PLAC1: variants seen among roughly 807,000 people sequenced by gnomAD.
PLAC1 encodes placenta-specific protein 1.
For missense variants in PLAC1, 136 were observed against 163.2 expected (o/e 0.83, Z 0.91); for synonymous variants, 68 against 62.1 (o/e 1.09, Z -0.44).
At chrX:134,583,071 G>T (rs1445142574) in intron 2 of PLAC1, among the ~76,000 whole-genome samples, 1 of 111,623 alleles carries the variant, frequency 9.0e-6, no homozygotes, top group African/African-American at 3.3e-5. Context: ...GTTTAGTGTA[G>T]CTCCTGTCAT....
intron 1 of PLAC1, among the ~76,000 whole-genome samples, chrX:134,656,607 T>C (rs980925959): frequency 9.0e-6 from 1 of 111,517 alleles, no homozygotes; most frequent in Non-Finnish European, 1.9e-5. Context: ...TTTTTTGAGA[T>C]GCGGTTGTGC....
At chrX:134,577,459 C>T (rs1189616974) in intron 2 of PLAC1, among the ~76,000 whole-genome samples, 1 of 111,254 alleles carries the variant, frequency 9.0e-6, no homozygotes. Context: ...GAGGCCAAGG[C>T]GGGCGTATCA....
intron 2 of PLAC1, among the ~76,000 whole-genome samples, chrX:134,726,192 C>A (rs2078673595): frequency 9.0e-6 from 1 of 111,616 alleles, no homozygotes; most frequent in South Asian, 3.8e-4. Flanking sequence ...TGCACCCTCA[C>A]ACACTCCTTT....
In PLAC1 at chrX:134,750,855, ATATATTTT is replaced by A. The variant is rs1264262574; in HGVS notation, n.89+13371_89+13378del. On this transcript the variant is annotated intron_variant and non_coding_transcript_variant, in intron 1 of 2. Coordinates refer to the PLAC1 transcript ENST00000466797. ...TATATTTATATATATATTTATATAT[ATATATTTT>A]TATATATATATATTTATAAATATAT... Among the ~76,000 whole-genome samples, 9 of 24,716 alleles carry A rather than the reference ATATATTTT, an allele frequency of 3.6e-4. 2 individuals carry two copies. Among genetic ancestry groups the A allele is most frequent in the African/African-American group, 3.3e-3 (9 of 2,742 alleles). 21.5% of individuals were successfully genotyped at this position (24,716 alleles called of 115,157 possible).
At chrX:134,601,390 G>C (rs1410943806) in intron 2 of PLAC1, among the ~76,000 whole-genome samples, 2 of 112,005 alleles carry the variant, frequency 1.8e-5, no homozygotes, top group Non-Finnish European at 3.8e-5. Flanking sequence ...TGGGTGAAAG[G>C]ATAAGAACAT....
intron 2 of PLAC1, among the ~76,000 whole-genome samples, chrX:134,668,716 G>C (rs1274401141): frequency 8.9e-6 from 1 of 112,820 alleles, no homozygotes; most frequent in Non-Finnish European, 1.9e-5. Context: ...TCACACAAAG[G>C]TTTCAAGGCT....
intron 1 of PLAC1, among the ~76,000 whole-genome samples, chrX:134,654,005 G>T (rs1455312652): frequency 8.9e-6 from 1 of 111,795 alleles, no homozygotes. Flanking sequence ...TTATGTCCAA[G>T]TATGTGATTT....
rs1181002776 is a variant in PLAC1 at position 134,601,628 on chromosome X, A to G, written c.-59+423T>C. The G allele has an allele frequency of 5.3e-5, 6 of 112,617 alleles. 1 individual carries two copies. The highest frequency in any genetic ancestry group is 1.6e-4 in the African/African-American group (5 of 31,022). 9.3% of individuals were successfully genotyped at this position (112,617 alleles called of 1,213,427 possible). A position where few individuals can be genotyped will look rare whatever the true frequency, so the allele number is the denominator to read the frequency against. ...ATTAGACTCTCTCCTGTTATACAGC[A>G]TAAGTGCTAGAGGCATAACACATGT... On this transcript the variant is annotated intron_variant, in intron 2 of 2. Coordinates refer to ENST00000359237, the MANE Select transcript of PLAC1 (RefSeq NM_021796.4).
chrX:134,695,202 A>G (rs1173813010), intron 2 of PLAC1, among the ~76,000 whole-genome samples: 1 of 112,309 alleles, frequency 8.9e-6, no homozygotes, highest in Admixed American at 9.4e-5. Context: ...TTCAGATTCC[A>G]AGATCCAGTT....
At chrX:134,693,864 CT>C in intron 2 of PLAC1, among the ~76,000 whole-genome samples, 1 of 110,965 alleles carries the variant, frequency 9.0e-6, no homozygotes, top group East Asian at 2.8e-4. Context: ...GATTCTCATG[CT>C]TAAATATGTG....
At chrX:134,595,561 G>A (rs1302865837) in intron 2 of PLAC1, among the ~76,000 whole-genome samples, 1 of 107,156 alleles carries the variant, frequency 9.3e-6, no homozygotes, top group Non-Finnish European at 1.9e-5. Flanking sequence ...ATTTAGGATG[G>A]CTACATCTTT....
At chrX:134,643,128 G>C (rs942295019) in intron 1 of PLAC1, among the ~76,000 whole-genome samples, 1 of 111,800 alleles carries the variant, frequency 8.9e-6, no homozygotes, top group African/African-American at 3.2e-5. Context: ...TAAATAATTG[G>C]TATTTTGTAT....
intron 1 of PLAC1, among the ~76,000 whole-genome samples, chrX:134,608,815 A>G (rs2078136500): frequency 9.3e-6 from 1 of 108,052 alleles, no homozygotes; most frequent in Admixed American, 9.9e-5. Context: ...AGCTGGGACT[A>G]CAGGCACCCG....
chrX:134,739,690 G>A (rs1342698780), intron 1 of PLAC1, among the ~76,000 whole-genome samples: 3 of 113,008 alleles, frequency 2.7e-5, no homozygotes, highest in Admixed American at 1.9e-4. Context: ...TGCCCCTTTC[G>A]AAAGGTCTGG....
At chrX:134,587,098 C>A (rs2078006971) in intron 2 of PLAC1, among the ~76,000 whole-genome samples, 1 of 110,436 alleles carries the variant, frequency 9.1e-6, no homozygotes, top group Non-Finnish European at 1.9e-5. Flanking sequence ...GAGGTAGGGA[C>A]TGTTATTATT....
Position 134,698,142 on chromosome X carries a change from C to T in PLAC1, n.174+35293G>A, listed in dbSNP as rs902008967. Among the ~76,000 whole-genome samples the T allele has an allele frequency of 1.1e-4, 12 of 111,013 alleles. No homozygotes were observed. In the East Asian group the frequency reaches 3.4e-3, roughly 31 times the overall value. On this transcript the variant is annotated intron_variant and non_coding_transcript_variant, in intron 2 of 2. Coordinates refer to the PLAC1 transcript ENST00000466797. ...CTATCTCTCTATAGACATTTATTTC[C>T]AATTTTTACTATTATAAAAATACTG...
At chrX:134,666,473 T>C (rs1231030899) in intron 2 of PLAC1, among the ~76,000 whole-genome samples, 1 of 111,820 alleles carries the variant, frequency 8.9e-6, no homozygotes, top group Non-Finnish European at 1.9e-5. Context: ...TCTGAAATTC[T>C]GGGCTCTAAC....
At chrX:134,590,020 C>T (rs1438833464) in intron 2 of PLAC1, among the ~76,000 whole-genome samples, 1 of 72,339 alleles carries the variant, frequency 1.4e-5, no homozygotes, top group Non-Finnish European at 2.6e-5. Flanking sequence ...ATGGTGAAAA[C>T]CCATCTGTAC....
At chrX:134,726,091 G>A (rs182067195) in intron 2 of PLAC1, among the ~76,000 whole-genome samples, 1 of 111,611 alleles carries the variant, frequency 9.0e-6, no homozygotes, top group East Asian at 2.8e-4. Flanking sequence ...TACACCCTAT[G>A]TCCATCCTCC....
Sources: gnomAD v4.1 joint callset for allele counts (sites outside exome capture counted in the v4.1 genomes callset) on GRCh38, gnomAD v4.1.1 for gene constraint, MANE v1.5 for transcripts, NCBI Gene and HGNC (gene_info 2026-07-23, HGNC 2026-07-21) for gene names.